Variants in MCTP2 observed in about 807,000 individuals in gnomAD.
MCTP2 encodes the protein multiple C2 and transmembrane domain containing 2.
In MCTP2, 132 loss-of-function variants were observed where a neutral mutation model predicts 111.6. The ratio of observed to expected loss-of-function variants is 1.18; its 90% CI spans 1.03 to 1.37. MCTP2 has a LOEUF of 1.37. MCTP2 is among the 40% of genes most tolerant of loss of function. The probability of loss-of-function intolerance (pLI) is 0.00; values close to 1 mark genes in which losing one functional copy is unlikely to be tolerated. For missense variants in MCTP2, 1,183 were observed against 1,067.9 expected (o/e 1.11, Z -1.50); for synonymous variants, 395 against 387.7 (o/e 1.02, Z -0.22).
At chr15:94,238,352 G>A (rs1044804442) in intron 1 of MCTP2, among the ~76,000 whole-genome samples, 12 of 152,018 alleles carry the variant, frequency 7.9e-5, no homozygotes, top group Middle Eastern at 6.8e-3. Context: ...AATGTATATC[G>A]TATGAATCAT....
Position 94,340,056 on chromosome 15 carries a change from T to A in MCTP2, c.781-143T>A, listed in dbSNP as rs957537006. On this transcript the variant is annotated intron_variant, in intron 5 of 22. Transcript: ENST00000357742. ...TTCTCTGCATTGGCTTGACTAAATT[T>A]CTCTTTAACTATACTATGCAAAGTA... 8.0e-6 allele frequency: 5 copies of A among 625,684 alleles called. No individual in the cohort carries two copies. The African/African-American group carries it at 9.2e-5, about 12-fold the overall frequency. 38.8% of individuals were successfully genotyped at this position (625,684 alleles called of 1,614,324 possible).
intron 1 of MCTP2, among the ~76,000 whole-genome samples, chr15:94,258,029 A>G (rs1166567156): frequency 1.6e-5 from 2 of 121,640 alleles, no homozygotes; most frequent in East Asian, 2.3e-4. Flanking sequence ...ACCTGCCACC[A>G]TGTCATTTTT....
intron 1 of MCTP2, among the ~76,000 whole-genome samples, chr15:94,281,808 G>A (rs1001535300): frequency 1.3e-5 from 2 of 152,034 alleles, no homozygotes; most frequent in African/African-American, 4.8e-5. Context: ...ATCTCCTTCA[G>A]TTTTGAAGCT....
Position 94,356,237 on chromosome 15 carries a change from C to T in MCTP2, c.1106C>T (p.Ser369Leu), listed in dbSNP as rs2078617415. Residue 369 changes from serine (S) to leucine (L), a missense_variant, in exon 9 of 23, where the codon TCA becomes TTA. Ser to Leu is a moderately radical substitution (Grantham distance 145). Transcript: ENST00000357742. ...ACTTTGTTGGAAGGGAAGAATGTCTCAGGAGGAAGCATGACAGAGATGTTT... is the reference window on the plus strand; with the variant it reads ...ACTTTGTTGGAAGGGAAGAATGTCTTAGGAGGAAGCATGACAGAGATGTTT... ...SITLLEGKNV[S>L]GGSMTEMFVQ... The T allele has an allele frequency of 1.9e-6, 3 of 1,613,222 alleles. No individual in the cohort carries two copies. The highest frequency in any genetic ancestry group is 2.5e-6 in the Non-Finnish European group (3 of 1,179,540).
At position 94,464,257 on chromosome 15, in the gene MCTP2, T is replaced by TTATATATATATATATATATTA. The variant is rs1555481317; in HGVS notation, c.2360+6030_2360+6031insTATATATATATATATATATAT. Among the ~76,000 whole-genome samples the TTATATATATATATATATATTA allele has an allele frequency of 3.0e-3, 136 of 44,900 alleles. 3 individuals are homozygous for TTATATATATATATATATATTA. Among genetic ancestry groups the TTATATATATATATATATATTA allele is most frequent in the African/African-American group, 8.0e-3 (133 of 16,640 alleles). 29.5% of individuals were successfully genotyped at this position (44,900 alleles called of 152,430 possible). A position where few individuals can be genotyped will look rare whatever the true frequency, so the allele number is the denominator to read the frequency against. ...TATATATAATATATATATATATATA[T>TTATATATATATATATATATTA]TATATATATATATATATATATAAAC... On this transcript the variant is annotated intron_variant, in intron 20 of 22. Coordinates refer to ENST00000357742, the MANE Select transcript of MCTP2 (RefSeq NM_001385001.1).
chr15:94,415,888 C>T (rs2082354843), intron 17 of MCTP2, among the ~76,000 whole-genome samples: 1 of 152,110 alleles, frequency 6.6e-6, no homozygotes, highest in Non-Finnish European at 1.5e-5. Flanking sequence ...TTGATTATAA[C>T]TCAGTGTTTC....
chr15:94,440,259 A>T lies in MCTP2; in HGVS notation c.2169A>T (p.Arg723Ser). ...TGATCTTTGTCTACAATTTCATCAG[A>T]CCTGTGAAAGGCAAGGTCAGCAGCA... ...LLLIFVYNFI[R>S]PVKGKVSSIQ... The change falls in exon 18 of 23, where the codon AGA (arginine) becomes AGT (serine). Residue 723 changes from arginine to serine, a missense_variant. Physicochemically the swap from Arg to Ser is moderately radical, Grantham distance 110. Coordinates refer to ENST00000357742, the MANE Select transcript of MCTP2 (RefSeq NM_001385001.1). 1 of 1,614,106 alleles carries T rather than the reference A, an allele frequency of 6.2e-7. No homozygotes were observed. The highest frequency in any genetic ancestry group is 8.5e-7 in the Non-Finnish European group (1 of 1,179,984).
chr15:94,329,138 A>C (rs1489669842), intron 4 of MCTP2, among the ~76,000 whole-genome samples: 1 of 152,122 alleles, frequency 6.6e-6, no homozygotes, highest in Non-Finnish European at 1.5e-5. Flanking sequence ...ATTCAAGAGG[A>C]ATGGGGACAG....
intron 2 of MCTP2, among the ~76,000 whole-genome samples, chr15:94,300,794 T>C (rs1355541717): frequency 6.6e-6 from 1 of 152,108 alleles, no homozygotes; most frequent in Non-Finnish European, 1.5e-5. Context: ...TGTGAAGCAG[T>C]GTCCAAGTTG....
At chr15:94,244,346 GTA>G (rs1491516614) in intron 1 of MCTP2, among the ~76,000 whole-genome samples, 1 of 146,662 alleles carries the variant, frequency 6.8e-6, no homozygotes, top group Non-Finnish European at 1.5e-5. Context: ...ACACGTATAC[GTA>G]TACACATACA....
At chr15:94,477,900 T>C (rs1035696263) in intron 22 of MCTP2, among the ~76,000 whole-genome samples, 1 of 152,212 alleles carries the variant, frequency 6.6e-6, no homozygotes, top group Non-Finnish European at 1.5e-5. Context: ...TGTTTTGCAT[T>C]GAAGATTGAC....
chr15:94,232,460 C>T (rs534043958), intron 1 of MCTP2, among the ~76,000 whole-genome samples: 5 of 152,318 alleles, frequency 3.3e-5, no homozygotes, highest in African/African-American at 1.2e-4. Flanking sequence ...CGTTAGAACA[C>T]TTGCTTCAGG....
chr15:94,252,102 C>A (rs1045060818), intron 1 of MCTP2, among the ~76,000 whole-genome samples: 1 of 152,160 alleles, frequency 6.6e-6, no homozygotes, highest in African/African-American at 2.4e-5. Flanking sequence ...TTATTTAAGT[C>A]CCTGCTTTCG....
At chr15:94,340,765 C>A in intron 6 of MCTP2, 48 bp from the exon 7 acceptor site, 2 of 1,186,774 alleles carry the variant, frequency 1.7e-6, no homozygotes, top group Non-Finnish European at 2.5e-6. Flanking sequence ...TAGGTCAATA[C>A]AGTCCTGTCA....
chr15:94,379,811 T>A, intron 12 of MCTP2, among the ~76,000 whole-genome samples: 1 of 144,366 alleles, frequency 6.9e-6, no homozygotes. Flanking sequence ...TATATAATTA[T>A]ATGACATAAT....
intron 9 of MCTP2, among the ~76,000 whole-genome samples, chr15:94,357,018 T>C (rs1190312914): frequency 6.6e-6 from 1 of 152,168 alleles, no homozygotes; most frequent in Non-Finnish European, 1.5e-5. Context: ...TCTGGGGTAC[T>C]TGAAACTTAA....
chr15:94,367,556 G>T, intron 10 of MCTP2, 49 bp from the exon 11 acceptor site: 1 of 1,468,212 alleles, frequency 6.8e-7, no homozygotes, highest in South Asian at 1.2e-5. Context: ...TACTGCAGTG[G>T]CCTTGAATTA....
At chr15:94,447,894 C>A (rs1333281877) in intron 19 of MCTP2, among the ~76,000 whole-genome samples, 1 of 152,182 alleles carries the variant, frequency 6.6e-6, no homozygotes, top group Admixed American at 6.5e-5. Context: ...TTGTAAAAGA[C>A]CTGCTTATGG....
intron 20 of MCTP2, among the ~76,000 whole-genome samples, chr15:94,463,721 A>T (rs964346480): frequency 6.6e-6 from 1 of 152,150 alleles, no homozygotes; most frequent in Non-Finnish European, 1.5e-5. Flanking sequence ...GTTATTGTAA[A>T]TATGCTTTAT....
Sources: allele counts gnomAD v4.1 joint callset (sites outside exome capture counted in the v4.1 genomes callset), GRCh38; gene constraint gnomAD v4.1.1; transcripts MANE v1.5; gene names NCBI Gene and HGNC (gene_info 2026-07-23, HGNC 2026-07-21).